The following ZNF475 variants were observed in gnomAD, a reference collection of about 807,000 sequenced individuals.
ZNF475 encodes zinc finger protein 475.
chr5:122,168,068 G>A, the ZNF475 span, among the ~76,000 whole-genome samples: 1 of 152,042 alleles, frequency 6.6e-6, no homozygotes, highest in Admixed American at 6.5e-5. Context: ...TTTTTGAGAC[G>A]GAGTCTCAGT....
At chr5:122,162,082 T>C in the ZNF475 span, 1 of 152,178 alleles carries the variant, frequency 6.6e-6, no homozygotes, top group Non-Finnish European at 1.5e-5. Flanking sequence ...ATTTTCAGCT[T>C]TGTAGCTCAA....
At chr5:122,166,320 A>G in the ZNF475 span, among the ~76,000 whole-genome samples, 1 of 152,202 alleles carries the variant, frequency 6.6e-6, no homozygotes, top group South Asian at 2.1e-4. Flanking sequence ...ATATGTTGGA[A>G]GATAAGAAAC....
At chr5:122,171,641 C>T in the ZNF475 span, among the ~76,000 whole-genome samples, 5 of 152,166 alleles carry the variant, frequency 3.3e-5, no homozygotes, top group African/African-American at 1.2e-4. Context: ...CTTCAATTGA[C>T]TGTTTCACAT....
At chr5:122,175,799 G>A in the ZNF475 span, among the ~76,000 whole-genome samples, 1 of 151,484 alleles carries the variant, frequency 6.6e-6, no homozygotes, top group Non-Finnish European at 1.5e-5. Flanking sequence ...CTATTTTATT[G>A]TGGGCCTATA....
chr5:122,168,122 A>G, the ZNF475 span, among the ~76,000 whole-genome samples: 1 of 152,018 alleles, frequency 6.6e-6, no homozygotes, highest in Non-Finnish European at 1.5e-5. Context: ...TCGGCTCACT[A>G]CAACCTCTGC....
chr5:122,163,364 C>G, the ZNF475 span: 2 of 152,140 alleles, frequency 1.3e-5, no homozygotes, highest in African/African-American at 4.8e-5. Flanking sequence ...TGCCATTATG[C>G]CACTTGGTCA....
the ZNF475 span, chr5:122,179,835 A>G: frequency 6.2e-6 from 5 of 807,930 alleles, 1 homozygote; most frequent in South Asian, 1.3e-4. Flanking sequence ...GACCAAAATC[A>G]ACAACATTTC....
the ZNF475 span, among the ~76,000 whole-genome samples, chr5:122,160,704 T>A: frequency 2.0e-5 from 3 of 152,274 alleles, no homozygotes; most frequent in African/African-American, 7.2e-5. Flanking sequence ...ATTCAAATAT[T>A]ATTTAGGCGT....
the ZNF475 span, among the ~76,000 whole-genome samples, chr5:122,177,424 G>A: frequency 2.0e-5 from 3 of 152,160 alleles, no homozygotes; most frequent in African/African-American, 7.2e-5. Flanking sequence ...AATTATGCCT[G>A]ATTTATCTTT....
the ZNF475 span, chr5:122,180,069 T>G: frequency 6.4e-6 from 1 of 155,516 alleles, no homozygotes; most frequent in Non-Finnish European, 1.4e-5. Flanking sequence ...GAATAAAACT[T>G]AAAAAAATAT....
At chr5:122,179,538 T>A in the ZNF475 span, 1 of 1,431,602 alleles carries the variant, frequency 7.0e-7, no homozygotes, top group Non-Finnish European at 9.3e-7. Context: ...ATTTATTTTA[T>A]GTTACTTGCA....
the ZNF475 span, among the ~76,000 whole-genome samples, chr5:122,167,246 GC>G: frequency 6.6e-6 from 1 of 152,142 alleles, no homozygotes; most frequent in East Asian, 1.9e-4. Context: ...TGGCTGCAGG[GC>G]TCAGGTCCTG....
the ZNF475 span, chr5:122,179,808 T>A: frequency 9.0e-7 from 1 of 1,112,474 alleles, no homozygotes; most frequent in Non-Finnish European, 1.2e-6. Context: ...AAGTATTCTT[T>A]TTTCACTTGT....
the ZNF475 span, among the ~76,000 whole-genome samples, chr5:122,181,386 A>G: frequency 6.6e-6 from 1 of 152,224 alleles, no homozygotes; most frequent in Non-Finnish European, 1.5e-5. Flanking sequence ...TCGCATGAGT[A>G]ACGAGAAAGT....
chr5:122,172,031 C>T, the ZNF475 span, among the ~76,000 whole-genome samples: 1 of 152,186 alleles, frequency 6.6e-6, no homozygotes, highest in Non-Finnish European at 1.5e-5. Flanking sequence ...AGATAAGAGC[C>T]ACTGGGCACA....
the ZNF475 span, among the ~76,000 whole-genome samples, chr5:122,177,176 G>T: frequency 2.6e-4 from 39 of 152,274 alleles, 1 homozygote; most frequent in South Asian, 7.7e-3. Flanking sequence ...AGGAAACTGG[G>T]TATTTATTCG....
the ZNF475 span, among the ~76,000 whole-genome samples, chr5:122,171,556 G>A: frequency 1.3e-5 from 2 of 152,050 alleles, no homozygotes; most frequent in Non-Finnish European, 2.9e-5. Flanking sequence ...GTTTTTAAAA[G>A]GACCCACTAA....
chr5:122,179,926 G>T, the ZNF475 span: 1 of 448,254 alleles, frequency 2.2e-6, no homozygotes, highest in Non-Finnish European at 3.9e-6. Flanking sequence ...GAGACATAAA[G>T]ACACTATGTC....
chr5:122,160,253 C>G, the ZNF475 span: 1 of 1,289,822 alleles, frequency 7.8e-7, no homozygotes, highest in South Asian at 1.2e-5. Flanking sequence ...CGACAGACCA[C>G]AACACTAAGG....
Sources: gnomAD v4.1 joint callset for allele counts (sites outside exome capture counted in the v4.1 genomes callset) on GRCh38, gnomAD v4.1.1 for gene constraint, MANE v1.5 for transcripts, NCBI Gene and HGNC (gene_info 2026-07-23, HGNC 2026-07-21) for gene names.